Variants in MDK observed in about 807,000 individuals in gnomAD.
The protein encoded by MDK is amphiregulin-associated protein.
Under a neutral mutation model 18.9 loss-of-function variants are expected in MDK, and 17 were observed. The observed-to-expected ratio is 0.90, with a 90% confidence interval of 0.62 to 1.35. MDK has a LOEUF of 1.35. Ranked by LOEUF, MDK falls within the 40% of genes most tolerant of loss-of-function variation. The pLI is 0.00. For synonymous variants in MDK, 86 were observed against 74.3 expected (o/e 1.16, Z -0.81); for missense variants, 180 against 186.3 (o/e 0.97, Z 0.20).
chr11:46,381,928 A>G (rs1945193137), intron 1 of MDK, 129 bp from the exon 2 acceptor site: 2 of 983,956 alleles, frequency 2.0e-6, no homozygotes, highest in African/African-American at 3.3e-5. Context: ...AAGTCTTCCC[A>G]CCGCCGCCAC....
At chr11:46,381,634 T>G (rs866974332), upstream of MDK, 1,443 of 16,816 alleles carry the variant, frequency 0.086, no homozygotes, top group Non-Finnish European at 0.087. Flanking sequence ...CCTGGGGGGG[T>G]GGGGAGAGGG....
chr11:46,383,706 C>G lies in MDK; in HGVS notation c.*212C>G, dbSNP rs541526849. 4.4e-6 allele frequency: 3 copies of G among 678,232 alleles called. No homozygotes were observed. In the African/African-American group the frequency reaches 5.3e-5, roughly 12 times the overall value. 42.0% of individuals were successfully genotyped at this position (678,232 alleles called of 1,614,324 possible). A position where few individuals can be genotyped will look rare whatever the true frequency, so the allele number is the denominator to read the frequency against. On this transcript the variant is annotated 3_prime_UTR_variant, in exon 5 of 5. Transcript: ENST00000395566. ...AAGGGATTCTGGGAAGCTTGAGCCTCCCCCAAAGCAATGTGAGTCCCAGAG... is the reference window on the plus strand; with the variant it reads ...AAGGGATTCTGGGAAGCTTGAGCCTGCCCCAAAGCAATGTGAGTCCCAGAG...
chr11:46,382,790 G>GGGGGGGGGGCC (rs1945254785), intron 4 of MDK, 42 bp downstream of exon 4: 124 of 986,920 alleles, frequency 1.3e-4, no homozygotes, highest in East Asian at 5.4e-4. Flanking sequence ...GCGGGGGGCT[G>GGGGGGGGGGCC]CCCCCCCCCC....
At position 46,382,074 on chromosome 11, in the gene MDK, T is replaced by C. The variant is rs1222094748; in HGVS notation, c.17T>C (p.Phe6Ser). 1 of 1,609,162 alleles carries C rather than the reference T, an allele frequency of 6.2e-7. No homozygotes were observed. Among genetic ancestry groups the C allele is most frequent in the Non-Finnish European group, 8.5e-7 (1 of 1,178,482 alleles). ...CCCCTCAGGATGCAGCACCGAGGCT[T>C]CCTCCTCCTCACCCTCCTCGCCCTG... Reference protein sequence around the residue: MQHRGFLLLTLLALLA... With the variant: MQHRGSLLLTLLALLA... The change falls in exon 2 of 5, where the codon TTC becomes TCC. Residue 6 changes from phenylalanine (F) to serine (S), a missense_variant. By Grantham distance (155) the Phe-to-Ser change is radical (BLOSUM62 -2). Coordinates refer to ENST00000395566, the MANE Select transcript of MDK (RefSeq NM_002391.6).
chr11:46,382,787 G>GGGGGGGGGGGGGGGGC, intron 4 of MDK, 39 bp downstream of exon 4: 6 of 1,498,506 alleles, frequency 4.0e-6, no homozygotes, highest in Admixed American at 2.1e-5. Context: ...GTCGCGGGGG[G>GGGGGGGGGGGGGGGGC]CTGCCCCCCC....
At chr11:46,383,815 T>C (rs1364596049), downstream of MDK, 1 of 427,332 alleles carries the variant, frequency 2.3e-6, no homozygotes, top group South Asian at 2.1e-5. Flanking sequence ...AAGCTCTTCT[T>C]TTTTAATATA....
rs200563338 is a variant in MDK at position 46,382,174 on chromosome 11, C to T, written c.76+41C>T. The T allele has an allele frequency of 3.1e-6, 5 of 1,606,958 alleles. No homozygotes were observed. The East Asian group carries it at 6.7e-5, about 22-fold the overall frequency. On this transcript the variant is annotated intron_variant, in intron 2 of 4. Coordinates refer to ENST00000395566, the MANE Select transcript of MDK (RefSeq NM_002391.6). ...CGAAGGAGGGCTGGGGACGGGCAGGCGAGGCCCCTCCACTTCTGGGCTGGG... is the reference window on the plus strand; with the variant it reads ...CGAAGGAGGGCTGGGGACGGGCAGGTGAGGCCCCTCCACTTCTGGGCTGGG...
At chr11:46,382,790 G>GGGGGGGGGGGGGGGGGCCCCC in intron 4 of MDK, 42 bp downstream of exon 4, 1 of 985,982 alleles carries the variant, frequency 1.0e-6, no homozygotes, top group Non-Finnish European at 1.3e-6. Context: ...GCGGGGGGCT[G>GGGGGGGGGGGGGGGGGCCCCC]CCCCCCCCCC....
At chr11:46,383,237 G>A in intron 4 of MDK, 3 of 498,972 alleles carry the variant, frequency 6.0e-6, no homozygotes, top group Admixed American at 3.7e-5. Context: ...ACCAGGACTA[G>A]GACTGGAAAC....
intron 2 of MDK, 74 bp downstream of exon 2, chr11:46,382,207 G>T: frequency 2.5e-6 from 4 of 1,605,668 alleles, no homozygotes; most frequent in Admixed American, 1.7e-5. Flanking sequence ...GGGCCGCCTG[G>T]GTTCCTAGCC....
chr11:46,383,763 C>T lies in MDK; in HGVS notation c.*269C>T. ...TTTGTTCTTCCCCACAATTCCATTA[C>T]TAAGAAACACATCAAATAAACTGAC... On this transcript the variant is annotated 3_prime_UTR_variant, in exon 5 of 5. Coordinates refer to ENST00000395566, the MANE Select transcript of MDK (RefSeq NM_002391.6). 1 of 575,708 alleles carries T rather than the reference C, an allele frequency of 1.7e-6. No individual in the cohort carries two copies. The highest frequency in any genetic ancestry group is 3.2e-5 in the East Asian group (1 of 30,872). 35.7% of individuals were successfully genotyped at this position (575,708 alleles called of 1,614,324 possible).
rs1430292020 is a variant in MDK, at chr11:46,383,714, G to A, written c.*220G>A. ...CTGGGAAGCTTGAGCCTCCCCCAAA[G>A]CAATGTGAGTCCCAGAGCCCGCTTT... On this transcript the variant is annotated 3_prime_UTR_variant, in exon 5 of 5. Transcript: ENST00000395566. 5 of 672,532 alleles carry A rather than the reference G, an allele frequency of 7.4e-6. No homozygotes were observed. The highest frequency in any genetic ancestry group is 1.4e-5 in the Non-Finnish European group (5 of 363,784). 41.7% of individuals were successfully genotyped at this position (672,532 alleles called of 1,614,324 possible).
At chr11:46,382,163 G>A (rs761064930) in intron 2 of MDK, 30 bp downstream of exon 2, 6 of 1,609,420 alleles carry the variant, frequency 3.7e-6, no homozygotes, top group Middle Eastern at 3.3e-4. Context: ...GGAGGGCTGG[G>A]GACGGGCAGG....
chr11:46,381,092 A>T (rs1945150628), upstream of MDK: 1 of 152,174 alleles, frequency 6.6e-6, no homozygotes, highest in Admixed American at 6.5e-5. Flanking sequence ...GCACTGGGCG[A>T]CCGCACCCGT....
At chr11:46,382,510 C>T (rs766682049) in intron 3 of MDK, 49 bp downstream of exon 3, 1 of 1,537,334 alleles carries the variant, frequency 6.5e-7, no homozygotes, top group African/African-American at 1.4e-5. Context: ...CACAGCCTCG[C>T]CGAAGCCTGG....
Position 46,382,380 on chromosome 11 carries a change from G to A in MDK, c.163G>A (p.Gly55Ser), listed in dbSNP as rs942114318. 10 of 1,571,950 alleles carry A rather than the reference G, an allele frequency of 6.4e-6. No homozygotes were observed. Among genetic ancestry groups the A allele is most frequent in the Admixed American group, 1.9e-5 (1 of 52,252 alleles). ...CCCCAGCAGCAAGGATTGCGGCGTG[G>A]GTTTCCGCGAGGGCACCTGCGGGGC... Reference protein sequence around the residue: ...CTPSSKDCGVGFREGTCGAQT... With the variant: ...CTPSSKDCGVSFREGTCGAQT... The change falls in exon 3 of 5, where the codon GGT (glycine) becomes AGT (serine). Residue 55 changes from glycine to serine, a missense_variant. Coordinates refer to ENST00000395566, the MANE Select transcript of MDK (RefSeq NM_002391.6).
Position 46,383,649 on chromosome 11 carries a change from C to T in MDK, c.*155C>T, listed in dbSNP as rs1275167298. 6 of 760,174 alleles carry T rather than the reference C, an allele frequency of 7.9e-6. No individual in the cohort carries two copies. The Admixed American group carries it at 1.2e-4, about 15-fold the overall frequency. 47.1% of individuals were successfully genotyped at this position (760,174 alleles called of 1,614,324 possible). On this transcript the variant is annotated 3_prime_UTR_variant, in exon 5 of 5. Transcript: ENST00000395566. ...TGCCTTGTCCCTCTCACTCCCCAGC[C>T]CCACCCCTAAGTGCCCAAAGTGGGG... is the stretch of plus-strand genomic sequence containing the variant.
chr11:46,382,496 G>A, intron 3 of MDK, 35 bp downstream of exon 3: 1 of 1,529,546 alleles, frequency 6.5e-7, no homozygotes, highest in East Asian at 2.4e-5. Context: ...CAGGAGACGG[G>A]GGGCACAGCC....
In MDK at chr11:46,382,053, T is replaced by C. The variant is rs1404436284; in HGVS notation, c.-1-4T>C. The C allele has an allele frequency of 6.2e-7, 1 of 1,604,594 alleles. No individual in the cohort carries two copies. The highest frequency in any genetic ancestry group is 8.5e-7 in the Non-Finnish European group (1 of 1,176,448). ...AGGGATTCAGACTCGGGCTCTCCCC[T>C]CAGGATGCAGCACCGAGGCTTCCTC... is the stretch of plus-strand genomic sequence containing the variant. On this transcript the variant is annotated splice_polypyrimidine_tract_variant and splice_region_variant and intron_variant, in intron 1 of 4. Coordinates refer to ENST00000395566, the MANE Select transcript of MDK (RefSeq NM_002391.6).
Sources: allele counts gnomAD v4.1 joint callset, GRCh38; gene constraint gnomAD v4.1.1; transcripts MANE v1.5; gene names NCBI Gene and HGNC (gene_info 2026-07-23, HGNC 2026-07-21).